The following LAMA1 variants were observed in gnomAD, a reference collection of about 807,000 sequenced individuals.
The protein encoded by LAMA1 is laminin subunit alpha 1, also known as laminin subunit alpha-1.
Under a neutral mutation model 348.7 loss-of-function variants are expected in LAMA1, and 219 were observed. The observed-to-expected ratio is 0.63, with a 90% confidence interval of 0.56 to 0.70. The LOEUF (loss-of-function observed/expected upper bound fraction) is 0.70. LAMA1 is among the 30% of genes least tolerant of loss of function. LAMA1 has a pLI of 0.00. For missense variants in LAMA1, 3,744 were observed against 3,888.0 expected (o/e 0.96, Z 0.99); for synonymous variants, 1,487 against 1,491.0 (o/e 1.00, Z 0.06).
chr18:6,971,467 G>C (rs555982238), intron 48 of LAMA1, among the ~76,000 whole-genome samples: 2 of 152,136 alleles, frequency 1.3e-5, no homozygotes, highest in Non-Finnish European at 2.9e-5. Flanking sequence ...GGCTCTCTGA[G>C]ACAGAAGGTT....
At chr18:6,994,885 C>G (rs6506460) in intron 34 of LAMA1, among the ~76,000 whole-genome samples, 72,855 of 151,888 alleles carry the variant, frequency 0.48, 19,597 homozygotes, top group East Asian at 0.9. Context: ...ATCAGAACCA[C>G]CCCAGCCTGA....
chr18:6,982,623 G>T, intron 40 of LAMA1, 33 bp from the exon 41 acceptor site: 1 of 1,571,936 alleles, frequency 6.4e-7, no homozygotes, highest in Non-Finnish European at 8.8e-7. Context: ...CGTGGTGAGA[G>T]CAGGGCAGGG....
intron 48 of LAMA1, 53 bp downstream of exon 48, chr18:6,971,804 C>T (rs925620484): frequency 2.5e-6 from 4 of 1,611,900 alleles, no homozygotes; most frequent in African/African-American, 1.3e-5. Flanking sequence ...TTCAGCACTT[C>T]TCAGATGTTA....
At chr18:7,103,441 C>A (rs1383376557) in intron 1 of LAMA1, among the ~76,000 whole-genome samples, 1 of 151,494 alleles carries the variant, frequency 6.6e-6, no homozygotes, top group Non-Finnish European at 1.5e-5. Context: ...TGAGCAGAGG[C>A]CTTGGTTCCA....
At chr18:6,974,776 G>A in intron 46 of LAMA1, 127 bp downstream of exon 46, 3 of 1,241,056 alleles carry the variant, frequency 2.4e-6, no homozygotes, top group Non-Finnish European at 3.5e-6. Flanking sequence ...CCTAAACCAA[G>A]TATTGTTTGG....
At chr18:7,024,811 G>A (rs998399352) in intron 17 of LAMA1, among the ~76,000 whole-genome samples, 2 of 152,162 alleles carry the variant, frequency 1.3e-5, no homozygotes, top group Non-Finnish European at 2.9e-5. Context: ...AGGCCTGCTC[G>A]GGTGCTCCTA....
intron 46 of LAMA1, 119 bp from the exon 47 acceptor site, chr18:6,973,326 C>T (rs191765817): frequency 1.6e-5 from 14 of 864,556 alleles, no homozygotes; most frequent in East Asian, 7.9e-5. Flanking sequence ...ACAGCACCCC[C>T]CTGCTGGCCT....
intron 36 of LAMA1, among the ~76,000 whole-genome samples, chr18:6,989,713 G>A (rs1485593133): frequency 6.6e-6 from 1 of 152,064 alleles, no homozygotes. Flanking sequence ...GGTGGGGGTG[G>A]GGGCTGGCCC....
chr18:6,963,232 T>G (rs759317903), intron 51 of LAMA1, among the ~76,000 whole-genome samples: 2 of 152,206 alleles, frequency 1.3e-5, no homozygotes, highest in Non-Finnish European at 2.9e-5. Flanking sequence ...TATGGGCTTC[T>G]GTCCTTTCCT....
intron 3 of LAMA1, chr18:7,079,391 G>A (rs2058183695): frequency 6.3e-6 from 1 of 159,608 alleles, no homozygotes; most frequent in African/African-American, 2.4e-5. Flanking sequence ...GCAAGGTAAG[G>A]AGATGCAGGT....
Position 6,983,383 on chromosome 18 carries a change from T to C in LAMA1, c.5661-149A>G, listed in dbSNP as rs114637964. On this transcript the variant is annotated intron_variant, in intron 39 of 62. Transcript: ENST00000389658. ...ATCATCCATAAAAAATAACAACCTA[T>C]GGGTTCCCATGTAACTTCAAAAGTA... The C allele has an allele frequency of 3.3e-4, 266 of 805,718 alleles. 2 individuals carry two copies. The African/African-American group carries it at 4.3e-3, about 13-fold the overall frequency. The allele number at this position is 805,718 out of a possible 1,614,324, so 49.9% of individuals were successfully genotyped here. A position where few individuals can be genotyped will look rare whatever the true frequency, so the allele number is the denominator to read the frequency against.
rs576109891 is a variant in LAMA1 at position 6,943,186 on chromosome 18, A to G, written c.9061T>C (p.Tyr3021His). The change falls in exon 62 of 63, where the codon TAT (tyrosine) becomes CAT (histidine). Residue 3021 changes from tyrosine to histidine, a missense_variant. Transcript: ENST00000389658. ...AGCAGGTACCCGTACATACCAGGAT[A>G]GCCACCAACATAAATGGGATTGTTG... ...DTNNPIYVGG[Y>H]PAGVKQKCLR... 4 of 1,614,048 alleles carry G rather than the reference A, an allele frequency of 2.5e-6. No homozygotes were observed. Among genetic ancestry groups the G allele is most frequent in the South Asian group, 2.2e-5 (2 of 91,070 alleles).
At position 7,050,759 on chromosome 18, in the gene LAMA1, T is replaced by C. The variant is rs1285170185; in HGVS notation, c.523A>G (p.Arg175Gly). The C allele has an allele frequency of 1.2e-5, 19 of 1,614,048 alleles. No individual in the cohort carries two copies. In the African/African-American group the frequency reaches 2.3e-4, roughly 19 times the overall value. Residue 175 changes from arginine (R) to glycine (G), a missense_variant, in exon 4 of 63, where the codon AGG (arginine) becomes GGG (glycine). By Grantham distance (125) the Arg-to-Gly change is moderately radical (BLOSUM62 -2). Around this residue, in one of 3 missense-constraint regions of LAMA1, gnomAD observed 1,529 missense variants for 1,689.4 expected, o/e 0.91. Coordinates refer to ENST00000389658, the MANE Select transcript of LAMA1 (RefSeq NM_005559.4). ...ITPRRGPPTY[R>G]ADDEVICTSY... is the part of the protein sequence containing the mutation. ...GTGCAGATCACTTCATCATCAGCCC[T>C]GTAGGTGGGTGGCCCTCGTCTTGGA...
At chr18:6,946,206 G>A (rs1045229765) in intron 61 of LAMA1, among the ~76,000 whole-genome samples, 1 of 152,088 alleles carries the variant, frequency 6.6e-6, no homozygotes, top group Non-Finnish European at 1.5e-5. Flanking sequence ...ACGGACTGTT[G>A]ATATGCACAA....
At chr18:7,089,238 A>G (rs2058229850) in intron 1 of LAMA1, among the ~76,000 whole-genome samples, 1 of 152,112 alleles carries the variant, frequency 6.6e-6, no homozygotes, top group African/African-American at 2.4e-5. Flanking sequence ...AAAATTAGCC[A>G]GACGTGGTGA....
intron 1 of LAMA1, among the ~76,000 whole-genome samples, chr18:7,117,319 G>C (rs1389760440): frequency 2.0e-5 from 3 of 147,592 alleles, no homozygotes; most frequent in African/African-American, 5.0e-5. Context: ...GCCCCGCTCC[G>C]GGCGCCCCGC....
chr18:7,093,515 A>G (rs1445342116), intron 1 of LAMA1, among the ~76,000 whole-genome samples: 2 of 152,114 alleles, frequency 1.3e-5, no homozygotes, highest in Non-Finnish European at 2.9e-5. Context: ...TCAATACAGC[A>G]CCTTCCACTT....
intron 49 of LAMA1, 96 bp downstream of exon 49, chr18:6,966,050 CA>C: frequency 7.6e-7 from 1 of 1,323,292 alleles, no homozygotes; most frequent in Non-Finnish European, 1.1e-6. Flanking sequence ...TACATATGTA[CA>C]TATTTAATTA....
chr18:6,951,717 CG>C (rs1013527662), intron 57 of LAMA1, among the ~76,000 whole-genome samples: 2 of 152,078 alleles, frequency 1.3e-5, no homozygotes, highest in Non-Finnish European at 2.9e-5. Flanking sequence ...GGGAGGGAGT[CG>C]GGTGGCTTAG....
Sources: allele counts gnomAD v4.1 joint callset (sites outside exome capture counted in the v4.1 genomes callset), GRCh38; gene constraint gnomAD v4.1.1; regional missense constraint gnomAD v4.1.1; transcripts MANE v1.5; gene names NCBI Gene and HGNC (gene_info 2026-07-23, HGNC 2026-07-21).